Variants in TRIOBP observed in about 807,000 individuals in gnomAD.
TRIOBP encodes the protein TRIO and F-actin binding protein.
A neutral mutation model predicts 238.8 loss-of-function variants in TRIOBP; 169 were observed. The observed-to-expected ratio is 0.71, with a 90% CI of 0.62 to 0.80. The LOEUF (loss-of-function observed/expected upper bound fraction) is 0.80, where lower values mean the gene tolerates loss of function less well. TRIOBP is among the 30% of genes least tolerant of loss of function. The pLI is 0.00. For synonymous variants in TRIOBP, 1,150 were observed against 1,274.4 expected (o/e 0.90, Z 2.08); for missense variants, 2,838 against 3,122.6 (o/e 0.91, Z 2.17).
At chr22:37,743,560 T>C (rs764186347) in intron 11 of TRIOBP, among the ~76,000 whole-genome samples, 1 of 152,110 alleles carries the variant, frequency 6.6e-6, no homozygotes, top group Non-Finnish European at 1.5e-5. Context: ...TTCCAAGATG[T>C]AGACAAAAAA....
chr22:37,759,571 G>T (rs1402814495), intron 17 of TRIOBP: 1 of 1,592,740 alleles, frequency 6.3e-7, no homozygotes, highest in Non-Finnish European at 8.5e-7. Flanking sequence ...GAGTCCCCGT[G>T]TGACACTCTG....
chr22:37,745,911 A>T (rs2070141465), intron 11 of TRIOBP, among the ~76,000 whole-genome samples: 3 of 151,762 alleles, frequency 2.0e-5, no homozygotes, highest in Admixed American at 2.0e-4. Flanking sequence ...GGCCGCCCGC[A>T]TCCTCCGCCC....
At chr22:37,742,582 T>C (rs990960275) in intron 11 of TRIOBP, among the ~76,000 whole-genome samples, 3 of 152,130 alleles carry the variant, frequency 2.0e-5, no homozygotes, top group African/African-American at 7.2e-5. Flanking sequence ...CTTTCGCTGC[T>C]CTTTGTGGTT....
At chr22:37,768,783 A>G (rs1926621163) in intron 19 of TRIOBP, among the ~76,000 whole-genome samples, 1 of 151,792 alleles carries the variant, frequency 6.6e-6, no homozygotes, top group Non-Finnish European at 1.5e-5. Flanking sequence ...CCTGGGCAAC[A>G]AGAGTGAGAG....
chr22:37,732,130 T>C (rs1924452541), intron 7 of TRIOBP, among the ~76,000 whole-genome samples: 1 of 152,206 alleles, frequency 6.6e-6, no homozygotes, highest in Non-Finnish European at 1.5e-5. Context: ...CATGGAGTGG[T>C]TGGGCCTTTT....
At chr22:37,759,461 G>A in intron 17 of TRIOBP, 197 bp downstream of exon 17, 1 of 1,518,242 alleles carries the variant, frequency 6.6e-7, no homozygotes, top group African/African-American at 1.4e-5. Context: ...CAAGGCCACT[G>A]AGCTCTGAGA....
chr22:37,759,458 A>G lies in TRIOBP; in HGVS notation c.6324+194A>G, dbSNP rs727503526. On this transcript the variant is annotated intron_variant, in intron 17 of 23. Transcript: ENST00000644935. Reference sequence around the variant, plus strand: ...CTGTGCCCGTTTTACAGACAAGGCCACTGAGCTCTGAGAGGTTATGTGACT... The same window carrying G: ...CTGTGCCCGTTTTACAGACAAGGCCGCTGAGCTCTGAGAGGTTATGTGACT... 3.9e-5 allele frequency: 58 copies of G among 1,504,548 alleles called. No individual in the cohort carries two copies. In the Admixed American group the frequency reaches 9.4e-4, roughly 24 times the overall value. The allele number at this position is 1,504,548 out of a possible 1,614,324, so 93.2% of individuals were successfully genotyped here.
At chr22:37,734,346 G>A in intron 8 of TRIOBP, 53 bp from the exon 9 acceptor site, 1 of 1,532,246 alleles carries the variant, frequency 6.5e-7, no homozygotes, top group Non-Finnish European at 9.0e-7. Flanking sequence ...GGCAGAGCTG[G>A]CAGCCAGGTC....
chr22:37,720,919 C>T (rs1437672648), intron 6 of TRIOBP, among the ~76,000 whole-genome samples: 1 of 151,926 alleles, frequency 6.6e-6, no homozygotes, highest in East Asian at 1.9e-4. Flanking sequence ...GTGCAGTGGC[C>T]AGATCTCAGC....
Position 37,713,413 on chromosome 22 carries a change from T to C in TRIOBP, c.456+2T>C. 6.2e-7 allele frequency: 1 copy of C among 1,612,430 alleles called. No homozygotes were observed. The highest frequency in any genetic ancestry group is 1.3e-5 in the African/African-American group (1 of 75,028). ...GATACCAGCAACTCGTCCTCTGTGG[T>C]GAGCCAGGAGTGGGAGTTTGGGGGA... is the stretch of plus-strand genomic sequence containing the variant. On this transcript the variant is annotated splice_donor_variant, in intron 5 of 23. Coordinates refer to ENST00000644935, the MANE Select transcript of TRIOBP (RefSeq NM_001039141.3). LOFTEE classifies it high-confidence loss of function.
Position 37,743,383 on chromosome 22 carries a change from G to A in TRIOBP, c.5322+2351G>A, listed in dbSNP as rs113361083. ...TAACGGTTTGAGACTGGATAACCTC[G>A]AAGTTTGGTAGCTCTGGTCTTTGCC... On this transcript the variant is annotated intron_variant, in intron 11 of 23. Coordinates refer to ENST00000644935, the MANE Select transcript of TRIOBP (RefSeq NM_001039141.3). Among the ~76,000 whole-genome samples the A allele has an allele frequency of 9.3e-3, 1,423 of 152,294 alleles. 22 individuals are homozygous for A. The highest frequency in any genetic ancestry group is 0.032 in the African/African-American group (1,337 of 41,550).
chr22:37,750,337 G>A (rs1379533371), intron 11 of TRIOBP, among the ~76,000 whole-genome samples: 4 of 152,374 alleles, frequency 2.6e-5, no homozygotes, highest in East Asian at 3.9e-4. Context: ...CGGGCTAGGT[G>A]GGGGTAGGGG....
Position 37,720,166 on chromosome 22 carries a change from C to T in TRIOBP, c.629-3019C>T, listed in dbSNP as rs139706346. On this transcript the variant is annotated intron_variant, in intron 6 of 23. Transcript: ENST00000644935. ...CTGGGATTACAGGCATGCACCACCACGCCCGGCTAATTTTGTATTTTTAGT... is the reference window on the plus strand; with the variant it reads ...CTGGGATTACAGGCATGCACCACCATGCCCGGCTAATTTTGTATTTTTAGT... 8.3e-3 allele frequency among the ~76,000 whole-genome samples: 1,262 copies of T among 151,960 alleles called. 17 individuals carry two copies. Among genetic ancestry groups the T allele is most frequent in the African/African-American group, 0.029 (1,188 of 41,460 alleles).
intron 11 of TRIOBP, among the ~76,000 whole-genome samples, chr22:37,749,242 G>C (rs1303618627): frequency 6.6e-6 from 1 of 152,074 alleles, no homozygotes; most frequent in Non-Finnish European, 1.5e-5. Flanking sequence ...GTAATCTCAG[G>C]TATTTGGGAG....
At position 37,739,144 on chromosome 22, in the gene TRIOBP, G is replaced by A. The variant is rs1924818773; in HGVS notation, c.5184+425G>A. On this transcript the variant is annotated intron_variant, in intron 10 of 23. Transcript: ENST00000644935. The stretch of plus-strand genomic sequence containing the variant: ...TCAGCCAGGCCTGGAGGGTCTCCAG[G>A]GTCCTGGAGGCGGGAGAGATATGTG... Among the ~76,000 whole-genome samples, 3 of 152,226 alleles carry A rather than the reference G, an allele frequency of 2.0e-5. No individual in the cohort carries two copies. In the South Asian group the frequency reaches 6.2e-4, roughly 32 times the overall value.
rs142311589 is a variant in TRIOBP at position 37,738,086 on chromosome 22, G to A, written c.5107-556G>A. 8.0e-3 allele frequency among the ~76,000 whole-genome samples: 1,220 copies of A among 152,336 alleles called. 17 individuals are homozygous for A. The highest frequency in any genetic ancestry group is 0.028 in the African/African-American group (1,153 of 41,564). On this transcript the variant is annotated intron_variant, in intron 9 of 23. Transcript: ENST00000644935. ...TGCATGCAAGATGGAGGACACAGGGGTCAGTGGGTGAACAATGAATGAATG... is the reference window on the plus strand; with the variant it reads ...TGCATGCAAGATGGAGGACACAGGGATCAGTGGGTGAACAATGAATGAATG...
chr22:37,759,801 T>A lies in TRIOBP; in HGVS notation c.6324+537T>A, dbSNP rs190915356. 950 of 1,339,444 alleles carry A rather than the reference T, an allele frequency of 7.1e-4. 1 individual carries two copies. The highest frequency in any genetic ancestry group is 8.8e-4 in the Non-Finnish European group (913 of 1,038,128). The allele number at this position is 1,339,444 out of a possible 1,614,324, so 83.0% of individuals were successfully genotyped here. A position where few individuals can be genotyped will look rare whatever the true frequency, so the allele number is the denominator to read the frequency against. ...TCCCCCTTGGGGACATTTGGCTGTG[T>A]CTGGGAATACTTCTGGTTGTCACAA... On this transcript the variant is annotated intron_variant, in intron 17 of 23. Transcript: ENST00000644935.
At chr22:37,740,789 G>A in intron 10 of TRIOBP, 106 bp from the exon 11 acceptor site, 1 of 1,490,010 alleles carries the variant, frequency 6.7e-7, no homozygotes, top group Non-Finnish European at 9.1e-7. Flanking sequence ...GGAACCCTGG[G>A]GCTCCATGGT....
rs1237687550 is a variant in TRIOBP at position 37,763,434 on chromosome 22, G to A, written c.6325-2236G>A. ...AAGCCAGGGGACAGACACCCCTGTCGCCACATGAAGCTCTTGGCCCTCGCT... is the reference window on the plus strand; with the variant it reads ...AAGCCAGGGGACAGACACCCCTGTCACCACATGAAGCTCTTGGCCCTCGCT... On this transcript the variant is annotated intron_variant, in intron 17 of 23. Transcript: ENST00000644935. Among the ~76,000 whole-genome samples, 5 of 152,080 alleles carry A rather than the reference G, an allele frequency of 3.3e-5. No individual in the cohort carries two copies. In the East Asian group the frequency reaches 7.7e-4, roughly 23 times the overall value.
Sources: gnomAD v4.1 joint callset for allele counts (sites outside exome capture counted in the v4.1 genomes callset) on GRCh38, gnomAD v4.1.1 for gene constraint, MANE v1.5 for transcripts, NCBI Gene and HGNC (gene_info 2026-07-23, HGNC 2026-07-21) for gene names.